The following PELP1 variants were observed in gnomAD, a reference collection of about 807,000 sequenced individuals.
PELP1 encodes the protein proline, glutamate and leucine rich protein 1.
Under a neutral mutation model 95.5 loss-of-function variants are expected in PELP1, and 32 were observed. That is an observed-to-expected ratio of 0.34 (90% CI 0.25 to 0.45). PELP1 has a LOEUF of 0.45. PELP1 is among the 20% of genes least tolerant of loss of function. PELP1 has a pLI of 1.00. For missense variants in PELP1, 1,358 were observed against 1,444.8 expected, an observed-to-expected ratio of 0.94 and a Z score of 0.97; for synonymous variants, 668 against 600.1, an observed-to-expected ratio of 1.11 and a Z score of -1.65.
At chr17:4,696,541 A>G (rs2150565650) in intron 1 of PELP1, 1 of 152,272 alleles carries the variant, frequency 6.6e-6, no homozygotes, top group African/African-American at 2.4e-5. Flanking sequence ...AAAAGCCACG[A>G]GGGGGAGAGA....
rs1262271391 is a variant in PELP1, at chr17:4,692,399, G to A, written c.250-957C>T. On this transcript the variant is annotated intron_variant, in intron 1 of 16. Coordinates refer to ENST00000572293, the MANE Select transcript of PELP1 (RefSeq NM_014389.3). ...GGAGAATGGCGTGAACCCAGGAGACGGAGTTTGCAGTGAGCCGAGATCATG... is the reference window on the plus strand; with the variant it reads ...GGAGAATGGCGTGAACCCAGGAGACAGAGTTTGCAGTGAGCCGAGATCATG... Among the ~76,000 whole-genome samples the A allele has an allele frequency of 4.0e-5, 6 of 151,704 alleles. No homozygotes were observed. In the East Asian group the frequency reaches 5.9e-4, roughly 15 times the overall value.
At chr17:4,683,030 C>T in intron 3 of PELP1, 78 bp from the exon 4 acceptor site, 1 of 1,383,108 alleles carries the variant, frequency 7.2e-7, no homozygotes, top group East Asian at 2.8e-5. Flanking sequence ...AAATACAAGC[C>T]TTCTGAGGAA....
At chr17:4,702,830 G>C (rs1002868300) in intron 1 of PELP1, among the ~76,000 whole-genome samples, 1 of 152,148 alleles carries the variant, frequency 6.6e-6, no homozygotes, top group Non-Finnish European at 1.5e-5. Context: ...AGGGAAGATA[G>C]GAGATTGTTA....
Position 4,673,472 on chromosome 17 carries a change from C to A in PELP1, c.1639-16G>T. 1 of 1,583,926 alleles carries A rather than the reference C, an allele frequency of 6.3e-7. No homozygotes were observed. Among genetic ancestry groups the A allele is most frequent in the Non-Finnish European group, 8.6e-7 (1 of 1,163,330 alleles). ...CATGCAGTCTCTGAAAAGGACAGAGCACACCTGGAAACATCCCCAAGACCA... is the reference window on the plus strand; with the variant it reads ...CATGCAGTCTCTGAAAAGGACAGAGAACACCTGGAAACATCCCCAAGACCA... On this transcript the variant is annotated splice_polypyrimidine_tract_variant and intron_variant, in intron 14 of 16. Coordinates refer to ENST00000572293, the MANE Select transcript of PELP1 (RefSeq NM_014389.3). The surrounding 1 kb of genome is among the most constrained non-coding windows in gnomAD (Gnocchi z 5.7).
chr17:4,673,943 C>A lies in PELP1; in HGVS notation c.1583-269G>T. The A allele has an allele frequency of 2.2e-6, 1 of 451,670 alleles. No individual in the cohort carries two copies. The highest frequency in any genetic ancestry group is 4.0e-6 in the Non-Finnish European group (1 of 248,928). 28.0% of individuals were successfully genotyped at this position (451,670 alleles called of 1,614,324 possible). ...TGGGAACAATCGGTTCTCCCCTTCC[C>A]ATGGGATGGGGTGGCAGGCAGTGAA... On this transcript the variant is annotated intron_variant, in intron 13 of 16. Coordinates refer to ENST00000572293, the MANE Select transcript of PELP1 (RefSeq NM_014389.3). The surrounding 1 kb of genome is among the most constrained non-coding windows in gnomAD (Gnocchi z 5.7).
At chr17:4,681,404 G>A (rs1343600476) in intron 5 of PELP1, among the ~76,000 whole-genome samples, 1 of 151,936 alleles carries the variant, frequency 6.6e-6, no homozygotes, top group Non-Finnish European at 1.5e-5. Context: ...CCAGCTACTC[G>A]GAGGCTAAGG....
chr17:4,683,143 G>A, intron 3 of PELP1, 191 bp from the exon 4 acceptor site: 1 of 1,180,886 alleles, frequency 8.5e-7, no homozygotes, highest in Non-Finnish European at 1.1e-6. Context: ...ACGGGTATCT[G>A]GGGTCCTAGG....
chr17:4,693,192 A>T (rs906823909), intron 1 of PELP1, among the ~76,000 whole-genome samples: 2 of 152,226 alleles, frequency 1.3e-5, no homozygotes, highest in African/African-American at 4.8e-5. Context: ...CTACGTATAT[A>T]CCCAAGAGAA....
At chr17:4,692,318 T>C (rs1266363145) in intron 1 of PELP1, among the ~76,000 whole-genome samples, 28 of 151,594 alleles carry the variant, frequency 1.8e-4, no homozygotes. Context: ...ATACAAAAAA[T>C]TAGCCGGGCA....
At chr17:4,702,211 G>A (rs1913566624) in intron 1 of PELP1, among the ~76,000 whole-genome samples, 1 of 152,134 alleles carries the variant, frequency 6.6e-6, no homozygotes, top group Admixed American at 6.5e-5. Context: ...CTGAACTCGG[G>A]ACTTTGAGAC....
At chr17:4,691,204 GA>G in intron 2 of PELP1, 173 bp downstream of exon 2, 1 of 648,180 alleles carries the variant, frequency 1.5e-6, no homozygotes, top group Non-Finnish European at 2.7e-6. Context: ...CTGGGAGCTG[GA>G]AAAGGTAGGG....
rs1385885609 is a variant in PELP1 at position 4,703,937 on chromosome 17, G to C, written c.175C>G (p.Pro59Ala). The C allele has an allele frequency of 6.2e-7, 1 of 1,613,620 alleles. No homozygotes were observed. Among genetic ancestry groups the C allele is most frequent in the East Asian group, 2.2e-5 (1 of 44,870 alleles). ...GGCAAATGTGGGGCCGAGCGGTTTG[G>C]GGGATGCACCGGAGCAACGGCAGAC... ...TGSAVAPVHP[P>A]NRSAPHLPGL... The change falls in exon 1 of 17, where the codon CCA (proline) becomes GCA (alanine). Residue 59 changes from proline to alanine, a missense_variant. Physicochemically the swap from Pro to Ala is conservative, Grantham distance 27. Around this residue, in one of 7 missense-constraint regions of PELP1, gnomAD observed 169 missense variants for 134.9 expected, o/e 1.25. Transcript: ENST00000572293.
intron 3 of PELP1, among the ~76,000 whole-genome samples, chr17:4,683,515 A>G (rs7207027): frequency 0.06 from 7,592 of 125,736 alleles, 310 homozygotes; most frequent in African/African-American, 0.11. Context: ...CATCACGCCC[A>G]GCTGAGTTTT....
At chr17:4,703,239 A>G (rs1913618024) in intron 1 of PELP1, among the ~76,000 whole-genome samples, 1 of 151,842 alleles carries the variant, frequency 6.6e-6, no homozygotes, top group Non-Finnish European at 1.5e-5. Context: ...GTTCCTTCCT[A>G]CCACAGGGTC....
chr17:4,703,521 C>A (rs1553652), intron 1 of PELP1, among the ~76,000 whole-genome samples: 148,853 of 152,268 alleles, frequency 0.98, 72,842 homozygotes, highest in Middle Eastern at 1. Context: ...ATGCGTCATT[C>A]AGTCAGTCGA....
At position 4,673,171 on chromosome 17, in the gene PELP1, T is replaced by G. The variant is rs1310327593; in HGVS notation, c.1846-26A>C. Reference sequence around the variant, plus strand: ...CTGAGGAAAGAAGAAAGGGCAAGTGTGAGCACCAGAAATACTGGGAGTCTC... The same window carrying G: ...CTGAGGAAAGAAGAAAGGGCAAGTGGGAGCACCAGAAATACTGGGAGTCTC... On this transcript the variant is annotated intron_variant, in intron 15 of 16. Transcript: ENST00000572293. This position sits in a 1 kb window ranked among gnomAD's most constrained non-coding sequence, Gnocchi z 5.7. 1.3e-6 allele frequency: 2 copies of G among 1,513,582 alleles called. No individual in the cohort carries two copies. The highest frequency in any genetic ancestry group is 2.3e-5 in the Admixed American group (1 of 44,276). The allele number at this position is 1,513,582 out of a possible 1,614,324, so 93.8% of individuals were successfully genotyped here.
intron 1 of PELP1, among the ~76,000 whole-genome samples, chr17:4,702,117 T>TA (rs1233914188): frequency 6.6e-6 from 1 of 152,100 alleles, no homozygotes; most frequent in Non-Finnish European, 1.5e-5. Context: ...CACAAATACT[T>TA]ATAAAAAAAA....
Position 4,672,139 on chromosome 17 carries a change from T to C in PELP1, c.2852A>G (p.Glu951Gly). 6.4e-7 allele frequency: 1 copy of C among 1,552,218 alleles called. No individual in the cohort carries two copies. Among genetic ancestry groups the C allele is most frequent in the Non-Finnish European group, 8.7e-7 (1 of 1,147,428 alleles). The change falls in exon 16 of 17, where the codon GAG becomes GGG. Residue 951 changes from glutamate (E) to glycine (G), a missense_variant. By Grantham distance (98) the Glu-to-Gly change is moderately conservative (BLOSUM62 -2). Around this residue, in one of 7 missense-constraint regions of PELP1, gnomAD observed 283 missense variants for 284.1 expected, o/e 1.00. Coordinates refer to ENST00000572293, the MANE Select transcript of PELP1 (RefSeq NM_014389.3). ...CTCTTCCAGTTCTTCTTCCTCCTCCTCATCCTCCTCTTCTTCTTCTTCCTC... is the reference window on the plus strand; with the variant it reads ...CTCTTCCAGTTCTTCTTCCTCCTCCCCATCCTCCTCTTCTTCTTCTTCCTC... ...ELEEEEEEED[E>G]EEEEELEEVE... is the part of the protein sequence containing the mutation.
In PELP1 at chr17:4,682,808, G is replaced by A; in HGVS notation, c.565C>T (p.Pro189Ser). The change falls in exon 4 of 17, where the codon CCA (proline) becomes TCA (serine). Residue 189 changes from proline to serine, a missense_variant. Pro to Ser is a moderately conservative substitution (Grantham distance 74, BLOSUM62 -1). Coordinates refer to ENST00000572293, the MANE Select transcript of PELP1 (RefSeq NM_014389.3). Reference sequence around the variant, plus strand: ...GGTCCAGGGAGACATCTCACCTCTGGCCTGAGGCCCAGCAGGGAGGTGAGA... The same window carrying A: ...GGTCCAGGGAGACATCTCACCTCTGACCTGAGGCCCAGCAGGGAGGTGAGA... ...GLLTSLLGLR[P>S]ECEQSALEGM... 2 of 1,577,774 alleles carry A rather than the reference G, an allele frequency of 1.3e-6. No individual in the cohort carries two copies. Among genetic ancestry groups the A allele is most frequent in the East Asian group, 2.2e-5 (1 of 44,564 alleles).
Sources: gnomAD v4.1 joint callset for allele counts (sites outside exome capture counted in the v4.1 genomes callset) on GRCh38, gnomAD v4.1.1 for gene constraint, gnomAD v4.1.1 regional missense constraint, Gnocchi (gnomAD v3.1) non-coding constraint, MANE v1.5 for transcripts, NCBI Gene and HGNC (gene_info 2026-07-23, HGNC 2026-07-21) for gene names.